Variants in CDON observed in about 807,000 individuals in gnomAD.
CDON encodes cell adhesion associated, oncogene regulated.
CDON carries 73 observed loss-of-function variants against 120.9 expected under a neutral mutation model. That is an observed-to-expected ratio of 0.60 (90% CI 0.50 to 0.73). The LOEUF is 0.73. CDON is among the 30% of genes least tolerant of loss of function. The pLI is 0.00. For synonymous variants in CDON, 566 were observed against 573.5 expected (o/e 0.99, Z 0.19); for missense variants, 1,470 against 1,587.3 (o/e 0.93, Z 1.26).
intron 8 of CDON, among the ~76,000 whole-genome samples, chr11:126,010,011 G>A (rs990765795): frequency 6.6e-6 from 1 of 152,130 alleles, no homozygotes; most frequent in Non-Finnish European, 1.5e-5. Context: ...TAGTTATCAA[G>A]GGCATAAAAA....
rs1327575466 is a variant in CDON at position 125,997,846 on chromosome 11, ATACTAT to A, written c.2159-442_2159-437del. Among the ~76,000 whole-genome samples, 4 of 152,342 alleles carry A rather than the reference ATACTAT, an allele frequency of 2.6e-5. No individual in the cohort carries two copies. The East Asian group carries it at 7.7e-4, about 29-fold the overall frequency. ...TGCACTCAGCAATCTACTAATTCTTATACTATTACTATTCCATATTATCTTAATACA... is the reference window on the plus strand; with the variant it reads ...TGCACTCAGCAATCTACTAATTCTTATACTATTCCATATTATCTTAATACA... On this transcript the variant is annotated intron_variant, in intron 11 of 19. Coordinates refer to ENST00000531738, the MANE Select transcript of CDON (RefSeq NM_001378964.1).
At position 125,956,957 on chromosome 11, in the gene CDON, A is replaced by C; in HGVS notation, c.*3985T>G. On this transcript the variant is annotated 3_prime_UTR_variant, in exon 20 of 20. Coordinates refer to ENST00000531738, the MANE Select transcript of CDON (RefSeq NM_001378964.1). ...ATACAAAAGGGCCACACCCGATGCA[A>C]AAGACTTTGCTGGCTTTCTGGTCAG... 1.4e-6 allele frequency: 1 copy of C among 724,372 alleles called. No individual in the cohort carries two copies. The highest frequency in any genetic ancestry group is 7.1e-4 in the Middle Eastern group (1 of 1,414). The allele number at this position is 724,372 out of a possible 1,614,324, so 44.9% of individuals were successfully genotyped here.
At chr11:125,981,385 TGCACATAC>T in intron 16 of CDON, 56 bp from the exon 17 acceptor site, 2 of 1,552,582 alleles carry the variant, frequency 1.3e-6, no homozygotes, top group South Asian at 1.1e-5. Flanking sequence ...CACGCACACA[TGCACATAC>T]GCACACACGC....
At chr11:126,016,223 T>G (rs1947464462) in intron 6 of CDON, among the ~76,000 whole-genome samples, 1 of 152,188 alleles carries the variant, frequency 6.6e-6, no homozygotes, top group Non-Finnish European at 1.5e-5. Flanking sequence ...TTCCACCTAA[T>G]TTTTTCATGA....
intron 5 of CDON, 123 bp from the exon 6 acceptor site, chr11:126,017,498 G>A: frequency 1.1e-6 from 1 of 941,518 alleles, no homozygotes; most frequent in East Asian, 2.6e-5. Context: ...CTATTTGGTG[G>A]TTAAATCCTT....
At chr11:125,961,135 T>A (rs1377376388) in intron 19 of CDON, 30 bp from the exon 20 acceptor site, 1 of 1,605,680 alleles carries the variant, frequency 6.2e-7, no homozygotes, top group Non-Finnish European at 8.5e-7. Flanking sequence ...GGGAGCATTA[T>A]CAAATGATAA....
chr11:126,055,260 G>A (rs1028322267), intron 1 of CDON, among the ~76,000 whole-genome samples: 6 of 152,126 alleles, frequency 3.9e-5, no homozygotes, highest in African/African-American at 1.2e-4. Context: ...AAAGTTTGAG[G>A]AGGAGGATGG....
intron 1 of CDON, among the ~76,000 whole-genome samples, chr11:126,057,734 T>C (rs1384397459): frequency 3.9e-5 from 6 of 152,220 alleles, no homozygotes; most frequent in African/African-American, 1.4e-4. Context: ...TTACACACAA[T>C]GTCCAAGTGC....
chr11:125,970,335 T>C (rs1407216140), intron 18 of CDON, among the ~76,000 whole-genome samples: 2 of 151,908 alleles, frequency 1.3e-5, no homozygotes, highest in South Asian at 4.2e-4. Context: ...CCACCACGCC[T>C]GGCTGATTTT....
chr11:125,981,515 T>C (rs189352366), intron 16 of CDON, among the ~76,000 whole-genome samples, 186 bp from the exon 17 acceptor site: 1 of 152,212 alleles, frequency 6.6e-6, no homozygotes, highest in East Asian at 1.9e-4. Context: ...AAACTACAAA[T>C]AGACTAAAAT....
Position 125,960,873 on chromosome 11 carries a change from T to C in CDON, c.*69A>G. 1 of 1,416,214 alleles carries C rather than the reference T, an allele frequency of 7.1e-7. No individual in the cohort carries two copies. Among genetic ancestry groups the C allele is most frequent in the Admixed American group, 1.7e-5 (1 of 59,794 alleles). 87.7% of individuals were successfully genotyped at this position (1,416,214 alleles called of 1,614,324 possible). On this transcript the variant is annotated 3_prime_UTR_variant, in exon 20 of 20. Coordinates refer to ENST00000531738, the MANE Select transcript of CDON (RefSeq NM_001378964.1). The stretch of plus-strand genomic sequence containing the variant: ...ATTTGAATTAAGGTCCTTCACACAG[T>C]TCGCTCCCAGGCCTGTTGTGTGCAG...
intron 1 of CDON, among the ~76,000 whole-genome samples, chr11:126,025,339 G>A (rs759095954): frequency 4.6e-5 from 7 of 152,202 alleles, no homozygotes; most frequent in Non-Finnish European, 7.3e-5. Flanking sequence ...AAGGTCATTG[G>A]TGGTATTGAC....
chr11:126,024,109 G>A (rs1201019925), intron 1 of CDON, among the ~76,000 whole-genome samples: 1 of 152,202 alleles, frequency 6.6e-6, no homozygotes, highest in East Asian at 1.9e-4. Flanking sequence ...GATTGGGCTT[G>A]GCACTATTGT....
chr11:126,014,993 A>G, intron 7 of CDON: 1 of 514,656 alleles, frequency 1.9e-6, no homozygotes, highest in East Asian at 3.6e-5. Flanking sequence ...ATTGTACCAT[A>G]TAGATTTTTA....
At chr11:126,058,396 C>T (rs1044670058) in intron 1 of CDON, among the ~76,000 whole-genome samples, 1 of 152,140 alleles carries the variant, frequency 6.6e-6, no homozygotes, top group Non-Finnish European at 1.5e-5. Context: ...AGTGTTTACT[C>T]CAATTCATTC....
chr11:126,047,463 T>C (rs1948433153), intron 1 of CDON, among the ~76,000 whole-genome samples: 1 of 152,136 alleles, frequency 6.6e-6, no homozygotes, highest in South Asian at 2.1e-4. Flanking sequence ...TCCTACTCAT[T>C]TGATTTTGAT....
chr11:126,043,451 T>C (rs1364486546), intron 1 of CDON, among the ~76,000 whole-genome samples: 1 of 152,210 alleles, frequency 6.6e-6, no homozygotes, highest in East Asian at 1.9e-4. Flanking sequence ...TCATTCTTTC[T>C]TTGCTTTGCT....
At chr11:126,031,780 G>A (rs1356907044) in intron 1 of CDON, among the ~76,000 whole-genome samples, 3 of 152,150 alleles carry the variant, frequency 2.0e-5, no homozygotes, top group African/African-American at 7.2e-5. Context: ...GTAACTACGA[G>A]CCTTAAGATG....
chr11:125,981,352 ACACACACGCACACACACACACGCACG>A (rs1453529741), intron 16 of CDON, 23 bp from the exon 17 acceptor site: 2 of 1,363,464 alleles, frequency 1.5e-6, no homozygotes, highest in African/African-American at 2.8e-5. Flanking sequence ...AACAAAAAAG[ACACACACGCACACACACACACGCACG>A]CACACATGCA....
Sources: allele counts gnomAD v4.1 joint callset (sites outside exome capture counted in the v4.1 genomes callset), GRCh38; gene constraint gnomAD v4.1.1; transcripts MANE v1.5; gene names NCBI Gene and HGNC (gene_info 2026-07-23, HGNC 2026-07-21).